Variants in PARD3 observed in about 807,000 individuals in gnomAD.
The protein encoded by PARD3 is par-3 family cell polarity regulator, also known as partitioning defective 3 homolog.
Under a neutral mutation model 155.4 loss-of-function variants are expected in PARD3, and 75 were observed. That is an observed-to-expected ratio of 0.48 (90% CI 0.40 to 0.58). The LOEUF (loss-of-function observed/expected upper bound fraction) is 0.58, where lower values mean the gene tolerates loss of function less well. Among genes scored for constraint, PARD3 ranks in the 20% least tolerant of loss-of-function variants. The probability of loss-of-function intolerance (pLI) is 0.00; values close to 1 mark genes in which losing one functional copy is unlikely to be tolerated. For synonymous variants in PARD3, 576 were observed against 610.5 expected (o/e 0.94, Z 0.83); for missense variants, 1,642 against 1,721.7 (o/e 0.95, Z 0.82).
chr10:34,600,893 A>C (rs940642183), intron 2 of PARD3, among the ~76,000 whole-genome samples: 3 of 151,216 alleles, frequency 2.0e-5, no homozygotes, highest in Non-Finnish European at 4.4e-5. Context: ...CTCAAGTGAT[A>C]ATTCCCACCT....
intron 2 of PARD3, among the ~76,000 whole-genome samples, chr10:34,674,823 C>T (rs758336288): frequency 4.6e-5 from 7 of 152,168 alleles, no homozygotes; most frequent in Middle Eastern, 3.2e-3. Flanking sequence ...AAGCCAAGAA[C>T]CTTCCCGGTC....
intron 20 of PARD3, among the ~76,000 whole-genome samples, chr10:34,303,845 G>C (rs1189095556): frequency 6.6e-6 from 1 of 152,136 alleles, no homozygotes; most frequent in African/African-American, 2.4e-5. Flanking sequence ...GGAGACAGAG[G>C]AATGAGCAGA....
intron 22 of PARD3, among the ~76,000 whole-genome samples, chr10:34,153,254 C>T (rs1948860137): frequency 6.6e-6 from 1 of 152,142 alleles, no homozygotes; most frequent in Non-Finnish European, 1.5e-5. Flanking sequence ...GCAAGTGATC[C>T]TCCCAACTTG....
chr10:34,704,842 T>C (rs1049390883), intron 1 of PARD3, among the ~76,000 whole-genome samples: 4 of 152,324 alleles, frequency 2.6e-5, no homozygotes, highest in African/African-American at 9.6e-5. Context: ...ATTAGCCACA[T>C]GATAGTTAAG....
chr10:34,701,571 G>A (rs1260136306), intron 1 of PARD3, among the ~76,000 whole-genome samples: 1 of 152,116 alleles, frequency 6.6e-6, no homozygotes, highest in East Asian at 1.9e-4. Context: ...CTGGAATGGG[G>A]AGAACCAAGA....
intron 14 of PARD3, among the ~76,000 whole-genome samples, chr10:34,352,408 C>G (rs535509254): frequency 2.3e-4 from 35 of 152,326 alleles, no homozygotes; most frequent in Admixed American, 5.9e-4. Flanking sequence ...CGAGGCTGGA[C>G]TGTACTGCTG....
intron 1 of PARD3, among the ~76,000 whole-genome samples, chr10:34,721,543 G>A (rs2094606219): frequency 6.6e-6 from 1 of 152,210 alleles, no homozygotes; most frequent in Admixed American, 6.5e-5. Flanking sequence ...TCCCCCAGGA[G>A]TGCCCAGCAT....
intron 24 of PARD3, 127 bp from the exon 25 acceptor site, chr10:34,111,689 G>A: frequency 2.7e-6 from 2 of 751,648 alleles, no homozygotes; most frequent in Non-Finnish European, 2.2e-6. Context: ...CTCATCACAT[G>A]CCAGACACTG....
intron 3 of PARD3, among the ~76,000 whole-genome samples, chr10:34,477,482 C>T (rs570137460): frequency 1.4e-4 from 22 of 152,186 alleles, no homozygotes; most frequent in Non-Finnish European, 2.6e-4. Flanking sequence ...AATAAACCTT[C>T]ATCACAAGAT....
intron 2 of PARD3, among the ~76,000 whole-genome samples, chr10:34,526,375 T>C (rs533068618): frequency 1.3e-5 from 2 of 152,262 alleles, no homozygotes; most frequent in South Asian, 4.1e-4. Flanking sequence ...GTCCCTACGC[T>C]GTAATAGTCC....
At chr10:34,740,201 T>C (rs2094984072) in intron 1 of PARD3, among the ~76,000 whole-genome samples, 1 of 152,170 alleles carries the variant, frequency 6.6e-6, no homozygotes, top group African/African-American at 2.4e-5. Flanking sequence ...CCTCCTCCAG[T>C]TCCAGCAGAG....
chr10:34,784,264 A>C (rs553142076), intron 1 of PARD3, among the ~76,000 whole-genome samples: 1 of 152,302 alleles, frequency 6.6e-6, no homozygotes, highest in Non-Finnish European at 1.5e-5. Flanking sequence ...TCCAAGTCAT[A>C]AAATATAAAT....
intron 2 of PARD3, among the ~76,000 whole-genome samples, chr10:34,595,973 T>C (rs2089213698): frequency 6.6e-6 from 1 of 152,116 alleles, no homozygotes; most frequent in Admixed American, 6.6e-5. Flanking sequence ...TAAAAATAAA[T>C]AAATAAATGA....
chr10:34,145,187 GTGTATATATA>G (rs1406804213), intron 22 of PARD3, among the ~76,000 whole-genome samples: 3 of 84,602 alleles, frequency 3.5e-5, no homozygotes, highest in African/African-American at 1.7e-4. Flanking sequence ...GTGTGTGTGT[GTGTATATATA>G]TATATATATA....
rs189940397 is a variant in PARD3 at position 34,768,610 on chromosome 10, T to C, written c.120+46266A>G. On this transcript the variant is annotated intron_variant, in intron 1 of 24. Coordinates refer to ENST00000374788, the MANE Select transcript of PARD3 (RefSeq NM_001184785.2). ...CCCTGAGCAGTTCCCAGCTTGCCTT[T>C]TCCCTGCTTAGTGATTTTGGGGCCC... Among the ~76,000 whole-genome samples the C allele has an allele frequency of 3.2e-4, 48 of 152,360 alleles. No homozygotes were observed. The East Asian group carries it at 7.9e-3, about 25-fold the overall frequency.
intron 2 of PARD3, among the ~76,000 whole-genome samples, chr10:34,641,995 T>TC (rs1411631685): frequency 6.6e-6 from 1 of 152,008 alleles, no homozygotes; most frequent in Non-Finnish European, 1.5e-5. Context: ...ACACCTAAGG[T>TC]CCCAGGGCCG....
chr10:34,399,170 G>T (rs1211911991), intron 7 of PARD3, among the ~76,000 whole-genome samples, 160 bp downstream of exon 7: 1 of 152,152 alleles, frequency 6.6e-6, no homozygotes, highest in Non-Finnish European at 1.5e-5. Flanking sequence ...AGTGCTTTCT[G>T]TGATTATGAC....
At chr10:34,440,217 G>GA (rs1226165053) in intron 5 of PARD3, among the ~76,000 whole-genome samples, 3 of 151,930 alleles carry the variant, frequency 2.0e-5, no homozygotes, top group African/African-American at 7.3e-5. Flanking sequence ...CACAGGCAGT[G>GA]AAAAAAACAC....
At chr10:34,217,831 T>C (rs1389430508) in intron 22 of PARD3, among the ~76,000 whole-genome samples, 1 of 152,150 alleles carries the variant, frequency 6.6e-6, no homozygotes, top group African/African-American at 2.4e-5. Context: ...GATTCCTCCC[T>C]CTGCGACTCT....
Sources: gnomAD v4.1 joint callset for allele counts (sites outside exome capture counted in the v4.1 genomes callset) on GRCh38, gnomAD v4.1.1 for gene constraint, MANE v1.5 for transcripts, NCBI Gene and HGNC (gene_info 2026-07-23, HGNC 2026-07-21) for gene names.